ADGRL2: variants seen among roughly 807,000 people sequenced by gnomAD.
ADGRL2 encodes calcium-independent alpha-latrotoxin receptor 2.
In ADGRL2, 44 loss-of-function variants were observed where a neutral mutation model predicts 157.4. The ratio of observed to expected loss-of-function variants is 0.28; its 90% confidence interval spans 0.22 to 0.36. The LOEUF is 0.36. Ranked by LOEUF, ADGRL2 falls within the 10% of genes least tolerant of loss-of-function variation. The pLI, the probability that ADGRL2 is intolerant of heterozygous loss-of-function variation, is 1.00. For missense variants in ADGRL2, 1,510 were observed against 1,768.9 expected (o/e 0.85, Z 2.63); for synonymous variants, 585 against 624.7 (o/e 0.94, Z 0.95).
chr1:81,944,709 G>A (rs529826436), intron 6 of ADGRL2, among the ~76,000 whole-genome samples: 2 of 151,928 alleles, frequency 1.3e-5, no homozygotes, highest in Non-Finnish European at 2.9e-5. Context: ...TTAGGAACTA[G>A]AAAGTTCTTT....
At chr1:81,676,835 C>T (rs971685822) in intron 3 of ADGRL2, among the ~76,000 whole-genome samples, 3 of 151,666 alleles carry the variant, frequency 2.0e-5, no homozygotes, top group South Asian at 2.1e-4. Context: ...TACAGCCGCC[C>T]GCCACCACAC....
intron 19 of ADGRL2, among the ~76,000 whole-genome samples, chr1:81,982,448 T>C (rs1054935403): frequency 1.3e-5 from 2 of 151,916 alleles, no homozygotes; most frequent in African/African-American, 2.4e-5. Context: ...CCTTACATCT[T>C]ACTTACTGTT....
At chr1:81,401,938 T>C (rs544973420) in intron 1 of ADGRL2, among the ~76,000 whole-genome samples, 2 of 152,224 alleles carry the variant, frequency 1.3e-5, no homozygotes, top group East Asian at 3.9e-4. Flanking sequence ...GAGAAGAAAA[T>C]AATGAGAATA....
chr1:81,698,357 A>G (rs887552423), upstream of ADGRL2, among the ~76,000 whole-genome samples: 8 of 152,200 alleles, frequency 5.3e-5, no homozygotes, highest in African/African-American at 1.9e-4. Context: ...CATCCTATAT[A>G]TGAAAGAAGC....
intron 2 of ADGRL2, among the ~76,000 whole-genome samples, chr1:81,561,046 T>C (rs991215888): frequency 6.6e-6 from 1 of 152,144 alleles, no homozygotes; most frequent in South Asian, 2.1e-4. Context: ...TTTTGAGTTT[T>C]TGCTCAAAGG....
At chr1:81,850,284 T>C (rs2092954124) in intron 2 of ADGRL2, among the ~76,000 whole-genome samples, 1 of 151,926 alleles carries the variant, frequency 6.6e-6, no homozygotes, top group African/African-American at 2.4e-5. Context: ...ATGTCTTGTC[T>C]TAGCACTGCT....
At chr1:81,888,943 A>G (rs927685237) in intron 2 of ADGRL2, among the ~76,000 whole-genome samples, 41 of 152,226 alleles carry the variant, frequency 2.7e-4, no homozygotes, top group African/African-American at 9.4e-4. Flanking sequence ...TATTATAACT[A>G]TTTGATGTGT....
intron 3 of ADGRL2, among the ~76,000 whole-genome samples, chr1:81,931,120 G>A (rs1006900990): frequency 1.3e-5 from 2 of 152,152 alleles, no homozygotes; most frequent in African/African-American, 2.4e-5. Flanking sequence ...CTGCACTCTA[G>A]CCTGGGCAAC....
At chr1:81,515,198 G>A (rs1223730757) in intron 2 of ADGRL2, 2 of 152,110 alleles carry the variant, frequency 1.3e-5, no homozygotes, top group Admixed American at 6.6e-5. Flanking sequence ...AGAGAATACT[G>A]GGAGGAGGAA....
At chr1:81,676,511 G>C (rs2082993696) in intron 3 of ADGRL2, among the ~76,000 whole-genome samples, 1 of 151,624 alleles carries the variant, frequency 6.6e-6, no homozygotes, top group Non-Finnish European at 1.5e-5. Flanking sequence ...ATGTTGACTA[G>C]GCTGTTTTTG....
chr1:81,650,458 T>G (rs2147387), intron 3 of ADGRL2, among the ~76,000 whole-genome samples: 1 of 151,512 alleles, frequency 6.6e-6, no homozygotes, highest in Non-Finnish European at 1.5e-5. Flanking sequence ...CGCCCATAAT[T>G]CCAGCTACTC....
At chr1:81,835,535 A>G (rs2092231650) in intron 1 of ADGRL2, among the ~76,000 whole-genome samples, 1 of 152,178 alleles carries the variant, frequency 6.6e-6, no homozygotes, top group African/African-American at 2.4e-5. Context: ...AAAAATGTAC[A>G]GAGCCAGCCA....
chr1:81,825,686 A>G (rs2091420608), intron 1 of ADGRL2, among the ~76,000 whole-genome samples: 1 of 147,508 alleles, frequency 6.8e-6, no homozygotes, highest in African/African-American at 2.5e-5. Context: ...AAGACATACT[A>G]GATTTGTTGT....
chr1:81,643,806 C>CA (rs2082265837), intron 3 of ADGRL2, among the ~76,000 whole-genome samples: 1 of 152,100 alleles, frequency 6.6e-6, no homozygotes, highest in Non-Finnish European at 1.5e-5. Context: ...CTCAATATTG[C>CA]CAAGATGTCA....
chr1:81,761,580 A>G (rs2085883183), intron 1 of ADGRL2, among the ~76,000 whole-genome samples: 1 of 152,066 alleles, frequency 6.6e-6, no homozygotes. Flanking sequence ...TTTGTGGAAA[A>G]CAAAATAGTT....
At chr1:81,954,470 T>C (rs1038203835) in intron 10 of ADGRL2, among the ~76,000 whole-genome samples, 1 of 152,122 alleles carries the variant, frequency 6.6e-6, no homozygotes. Context: ...AAATTACAAA[T>C]CAGAAGCTGA....
chr1:81,438,512 A>G (rs2077450853), intron 1 of ADGRL2, among the ~76,000 whole-genome samples: 1 of 152,170 alleles, frequency 6.6e-6, no homozygotes, highest in African/African-American at 2.4e-5. Flanking sequence ...CCGAGTCTGC[A>G]TTCTGTGACT....
chr1:81,431,698 T>C (rs2077324237), intron 1 of ADGRL2, among the ~76,000 whole-genome samples: 1 of 152,242 alleles, frequency 6.6e-6, no homozygotes. Context: ...GCTATTTATT[T>C]TTCCAGCACT....
rs190006463 is a variant in ADGRL2, at chr1:81,668,950, C to T, written c.-143+87970C>T. On this transcript the variant is annotated intron_variant, in intron 3 of 24. Coordinates refer to the ADGRL2 transcript ENST00000370721. Reference sequence around the variant, plus strand: ...AAGTTTGTTACAAAGATACCTTCCTCAATATCTTGCTCCTAATATTAGCAC... The same window carrying T: ...AAGTTTGTTACAAAGATACCTTCCTTAATATCTTGCTCCTAATATTAGCAC... Among the ~76,000 whole-genome samples the T allele has an allele frequency of 3.0e-3, 457 of 152,270 alleles. 6 individuals are homozygous for T. The highest frequency in any genetic ancestry group is 1.4e-3 in the Non-Finnish European group (92 of 68,028).
Sources: gnomAD v4.1 joint callset for allele counts (sites outside exome capture counted in the v4.1 genomes callset) on GRCh38, gnomAD v4.1.1 for gene constraint, MANE v1.5 for transcripts, NCBI Gene and HGNC (gene_info 2026-07-23, HGNC 2026-07-21) for gene names.